Variants in CCDC102B observed in about 807,000 individuals in gnomAD.
CCDC102B encodes coiled-coil domain containing 102B.
A neutral mutation model predicts 57.4 loss-of-function variants in CCDC102B; 75 were observed. The observed-to-expected ratio is 1.31, with a 90% CI of 1.08 to 1.58. The LOEUF (loss-of-function observed/expected upper bound fraction) is 1.58. Ranked by LOEUF, CCDC102B falls within the 40% of genes most tolerant of loss-of-function variation. The pLI is 0.00. For synonymous variants in CCDC102B, 206 were observed against 201.9 expected (o/e 1.02, Z -0.17); for missense variants, 636 against 582.6 (o/e 1.09, Z -0.94).
Position 68,936,847 on chromosome 18 carries a change from T to G in CCDC102B, c.1263+39419T>G, listed in dbSNP as rs146280446. Among the ~76,000 whole-genome samples the G allele has an allele frequency of 7.2e-3, 1,077 of 150,478 alleles. 4 individuals carry two copies. The highest frequency in any genetic ancestry group is 0.014 in the Middle Eastern group (4 of 284). ...CACATATACATATATACATATATAA[T>G]ATATATACACATATACACACACACA... On this transcript the variant is annotated intron_variant, in intron 6 of 7. Coordinates refer to ENST00000360242, the MANE Select transcript of CCDC102B (RefSeq NM_024781.3).
chr18:68,976,619 G>A (rs1376449320), intron 6 of CCDC102B, among the ~76,000 whole-genome samples: 5 of 151,892 alleles, frequency 3.3e-5, no homozygotes, highest in Admixed American at 2.0e-4. Context: ...TTTACTTTCA[G>A]TAGCAATGGA....
chr18:68,969,413 G>T (rs1332861373), intron 6 of CCDC102B, among the ~76,000 whole-genome samples: 2 of 151,292 alleles, frequency 1.3e-5, no homozygotes, highest in East Asian at 3.9e-4. Context: ...TTGAAATTTA[G>T]TCTGGACTAC....
chr18:69,023,459 A>G (rs957970537), intron 7 of CCDC102B, among the ~76,000 whole-genome samples: 1 of 152,000 alleles, frequency 6.6e-6, no homozygotes, highest in Non-Finnish European at 1.5e-5. Context: ...GTGGTATTTA[A>G]TACTTCAGAA....
At chr18:68,966,765 A>G (rs1258432949) in intron 6 of CCDC102B, among the ~76,000 whole-genome samples, 1 of 152,118 alleles carries the variant, frequency 6.6e-6, no homozygotes, top group Non-Finnish European at 1.5e-5. Flanking sequence ...TTTTTGGAGT[A>G]GTAGTCTTCT....
At chr18:68,947,138 A>C (rs1015265719) in intron 6 of CCDC102B, among the ~76,000 whole-genome samples, 2 of 152,176 alleles carry the variant, frequency 1.3e-5, no homozygotes, top group African/African-American at 4.8e-5. Context: ...TGTAGAATAA[A>C]GAATTTATTT....
At position 68,846,356 on chromosome 18, in the gene CCDC102B, G is replaced by GA; in HGVS notation, c.871_872insA (p.Ala291AspfsTer10). The stretch of plus-strand genomic sequence containing the variant: ...AAAAGAAATAGAGAGACTGGAGTCG[G>GA]CTTTGTCTCTGTGGAAGTGGAAGTA... On this transcript the variant is annotated frameshift_variant, in exon 4 of 8. Transcript: ENST00000360242. LOFTEE classifies it high-confidence loss of function. The GA allele has an allele frequency of 6.3e-7, 1 of 1,584,930 alleles. No homozygotes were observed. The highest frequency in any genetic ancestry group is 8.6e-7 in the Non-Finnish European group (1 of 1,167,672).
At chr18:68,994,666 C>T (rs1021029765) in intron 6 of CCDC102B, among the ~76,000 whole-genome samples, 3 of 152,126 alleles carry the variant, frequency 2.0e-5, no homozygotes, top group Non-Finnish European at 2.9e-5. Flanking sequence ...TTCCTGATGC[C>T]TTGTGAAGAA....
At chr18:68,894,405 G>A (rs1392676907) in intron 5 of CCDC102B, among the ~76,000 whole-genome samples, 1 of 151,890 alleles carries the variant, frequency 6.6e-6, no homozygotes, top group African/African-American at 2.4e-5. Flanking sequence ...GCTAGAACAC[G>A]CTATTGGTTA....
chr18:68,808,893 T>A (rs1355429744), intron 1 of CCDC102B, among the ~76,000 whole-genome samples: 2 of 152,232 alleles, frequency 1.3e-5, no homozygotes, highest in African/African-American at 2.4e-5. Flanking sequence ...TTTATTTAGA[T>A]ACAAGATGAA....
chr18:69,044,934 C>G (rs73967784), intron 7 of CCDC102B, among the ~76,000 whole-genome samples: 1,889 of 152,214 alleles, frequency 0.012, 48 homozygotes, highest in African/African-American at 0.043. Context: ...AAAGTATCAG[C>G]CAGGTTGGTT....
chr18:69,054,567 T>C lies in CCDC102B; in HGVS notation c.*430T>C. On this transcript the variant is annotated 3_prime_UTR_variant, in exon 8 of 8. Transcript: ENST00000360242. ...TAAACTTTTATGTACGTGTTGTCTA[T>C]GTGGTGGGGATGGCAGGTTGTATTA... is the stretch of plus-strand genomic sequence containing the variant. 1 of 987,866 alleles carries C rather than the reference T, an allele frequency of 1.0e-6. No individual in the cohort carries two copies. Among genetic ancestry groups the C allele is most frequent in the Non-Finnish European group, 1.2e-6 (1 of 831,802 alleles). 61.2% of individuals were successfully genotyped at this position (987,866 alleles called of 1,614,324 possible).
intron 2 of CCDC102B, among the ~76,000 whole-genome samples, chr18:68,783,617 C>A (rs1374257882): frequency 6.6e-6 from 1 of 152,126 alleles, no homozygotes; most frequent in Non-Finnish European, 1.5e-5. Flanking sequence ...TTGTTGACAG[C>A]CTTCTCTTTC....
upstream of CCDC102B, among the ~76,000 whole-genome samples, chr18:68,796,222 G>A (rs2144671561): frequency 6.6e-6 from 1 of 152,222 alleles, no homozygotes; most frequent in African/African-American, 2.4e-5. Flanking sequence ...CAGAGTAGTG[G>A]CAGTGAGAAA....
At chr18:68,723,932 G>A (rs1457398094) in intron 2 of CCDC102B, among the ~76,000 whole-genome samples, 1 of 152,188 alleles carries the variant, frequency 6.6e-6, no homozygotes, top group Non-Finnish European at 1.5e-5. Flanking sequence ...CCTAGTAGAG[G>A]TTCTCCATGA....
At chr18:68,961,323 G>A (rs975177084) in intron 6 of CCDC102B, among the ~76,000 whole-genome samples, 3 of 151,666 alleles carry the variant, frequency 2.0e-5, no homozygotes, top group Non-Finnish European at 2.9e-5. Context: ...TTTTATTTAT[G>A]TACAAAATTA....
At chr18:68,836,551 C>A (rs2037373404) in intron 1 of CCDC102B, among the ~76,000 whole-genome samples, 198 bp from the exon 2 acceptor site, 1 of 148,750 alleles carries the variant, frequency 6.7e-6, no homozygotes, top group African/African-American at 2.5e-5. Flanking sequence ...TCGCTTGAAC[C>A]CTGGAGGCAG....
intron 5 of CCDC102B, among the ~76,000 whole-genome samples, chr18:68,886,691 C>T (rs571992244): frequency 3.3e-5 from 5 of 152,164 alleles, no homozygotes; most frequent in African/African-American, 1.2e-4. Context: ...TACATAGTAA[C>T]CATTTTGATT....
chr18:68,741,970 C>T (rs1451989206), intron 2 of CCDC102B, among the ~76,000 whole-genome samples: 2 of 152,182 alleles, frequency 1.3e-5, no homozygotes, highest in Middle Eastern at 3.4e-3. Flanking sequence ...AAAACGGAGA[C>T]GTGAGGGTTC....
intron 6 of CCDC102B, among the ~76,000 whole-genome samples, chr18:69,000,649 G>A (rs62096581): frequency 6.6e-6 from 1 of 152,072 alleles, no homozygotes; most frequent in South Asian, 2.1e-4. Flanking sequence ...TGTTATAACA[G>A]AGTAAGTCCT....
Sources: allele counts gnomAD v4.1 joint callset (sites outside exome capture counted in the v4.1 genomes callset), GRCh38; gene constraint gnomAD v4.1.1; transcripts MANE v1.5; gene names NCBI Gene and HGNC (gene_info 2026-07-23, HGNC 2026-07-21).